FAM120A: variants seen among roughly 807,000 people sequenced by gnomAD.
The protein encoded by FAM120A is family with sequence similarity 120 member A.
A neutral mutation model predicts 109.7 loss-of-function variants in FAM120A; 15 were observed. That is an observed-to-expected ratio of 0.14 (90% CI 0.09 to 0.21). FAM120A has a LOEUF of 0.21. FAM120A is among the 10% of genes least tolerant of loss of function. The pLI, the probability that FAM120A is intolerant of heterozygous loss-of-function variation, is 1.00. For missense variants in FAM120A, 899 were observed against 1,439.3 expected (o/e 0.62, Z 6.07); for synonymous variants, 493 against 572.8 (o/e 0.86, Z 1.99).
intron 3 of FAM120A, among the ~76,000 whole-genome samples, chr9:93,493,986 A>T (rs932367919): frequency 6.6e-6 from 1 of 152,166 alleles, no homozygotes; most frequent in African/African-American, 2.4e-5. Flanking sequence ...TTCAATTCCT[A>T]GCGGTTGCAG....
At chr9:93,529,808 A>G in intron 9 of FAM120A, 1 of 600,000 alleles carries the variant, frequency 1.7e-6, no homozygotes, top group Non-Finnish European at 3.0e-6. Flanking sequence ...TCAACTTAGT[A>G]TAGAATATTT....
chr9:93,457,383 T>C (rs148823428), intron 1 of FAM120A, among the ~76,000 whole-genome samples: 13 of 151,714 alleles, frequency 8.6e-5, no homozygotes, highest in Admixed American at 8.5e-4. Context: ...TATATTATTA[T>C]AATATAGTTC....
chr9:93,468,385 G>A (rs1858149439), intron 1 of FAM120A, among the ~76,000 whole-genome samples: 1 of 152,222 alleles, frequency 6.6e-6, no homozygotes, highest in Admixed American at 6.5e-5. Flanking sequence ...CGTAAGCTGT[G>A]CCCCTTGTCC....
intron 17 of FAM120A, among the ~76,000 whole-genome samples, chr9:93,563,724 GA>G (rs1862546984): frequency 6.6e-6 from 1 of 152,228 alleles, no homozygotes; most frequent in Non-Finnish European, 1.5e-5. Flanking sequence ...GAGTGGGGAA[GA>G]CCCATTCAGA....
intron 3 of FAM120A, among the ~76,000 whole-genome samples, chr9:93,478,675 C>G (rs1375062984): frequency 6.6e-6 from 1 of 152,154 alleles, no homozygotes; most frequent in Non-Finnish European, 1.5e-5. Context: ...AGGGTTTCAC[C>G]ATGTTGTCCA....
intron 1 of FAM120A, among the ~76,000 whole-genome samples, chr9:93,458,498 C>G (rs1181322568): frequency 6.6e-6 from 1 of 152,082 alleles, no homozygotes; most frequent in Non-Finnish European, 1.5e-5. Flanking sequence ...AATTCTGGCT[C>G]AGTAGTCTCC....
At chr9:93,476,386 AGTTTGCTATTACTTTAATAACAT>A in intron 3 of FAM120A, 48 bp downstream of exon 3, 1 of 1,254,548 alleles carries the variant, frequency 8.0e-7, no homozygotes, top group Non-Finnish European at 1.2e-6. Flanking sequence ...ATCAACTGTG[AGTTTGCTATTACTTTAATAACAT>A]GTTAGGCCCT....
intron 3 of FAM120A, among the ~76,000 whole-genome samples, chr9:93,477,194 C>A (rs1012728042): frequency 2.0e-5 from 3 of 152,190 alleles, no homozygotes; most frequent in African/African-American, 7.2e-5. Context: ...ACCCTCCCTC[C>A]ATAAACAATT....
intron 2 of FAM120A, among the ~76,000 whole-genome samples, chr9:93,472,466 C>A (rs190355977): frequency 2.6e-5 from 4 of 152,244 alleles, no homozygotes; most frequent in African/African-American, 9.6e-5. Flanking sequence ...GAGGGAGGCA[C>A]TCCTGTGATT....
At chr9:93,506,374 G>A (rs1230997459) in intron 5 of FAM120A, among the ~76,000 whole-genome samples, 4 of 152,042 alleles carry the variant, frequency 2.6e-5, no homozygotes, top group Non-Finnish European at 4.4e-5. Flanking sequence ...TCTTTTCTTA[G>A]AGATATTGCT....
intron 10 of FAM120A, among the ~76,000 whole-genome samples, chr9:93,539,483 T>A (rs764140228): frequency 6.6e-6 from 1 of 152,240 alleles, no homozygotes; most frequent in Non-Finnish European, 1.5e-5. Flanking sequence ...TTAGATGAGC[T>A]GACCTCCAGG....
At chr9:93,466,147 A>G (rs929912083) in intron 1 of FAM120A, among the ~76,000 whole-genome samples, 8 of 152,058 alleles carry the variant, frequency 5.3e-5, no homozygotes, top group African/African-American at 1.9e-4. Context: ...ACATCCTCAT[A>G]CTTTGGAAGC....
At chr9:93,543,524 C>A in intron 11 of FAM120A, 53 bp downstream of exon 11, 3 of 1,582,978 alleles carry the variant, frequency 1.9e-6, no homozygotes, top group Non-Finnish European at 2.6e-6. Context: ...GTGTAGGGGC[C>A]ATGACCATGG....
At chr9:93,516,679 CCTT>C (rs1177712505) in intron 7 of FAM120A, among the ~76,000 whole-genome samples, 2 of 152,222 alleles carry the variant, frequency 1.3e-5, no homozygotes, top group South Asian at 4.2e-4. Context: ...AATTTCCTCT[CCTT>C]CTCCTAAACT....
At chr9:93,545,041 T>C (rs1234782908) in intron 11 of FAM120A, among the ~76,000 whole-genome samples, 20 of 152,240 alleles carry the variant, frequency 1.3e-4, no homozygotes, top group Admixed American at 1.3e-3. Flanking sequence ...TCTGTTTTGA[T>C]GTTCCCTTTG....
At chr9:93,504,575 C>T (rs188719386) in intron 5 of FAM120A, among the ~76,000 whole-genome samples, 92 of 152,296 alleles carry the variant, frequency 6.0e-4, no homozygotes, top group Non-Finnish European at 9.3e-4. Flanking sequence ...ATAGCATGTA[C>T]TCCTCTGACT....
rs573662508 is a variant in FAM120A at position 93,559,894 on chromosome 9, C to A, written c.2806+1176C>A. 3.3e-5 allele frequency among the ~76,000 whole-genome samples: 5 copies of A among 152,322 alleles called. No homozygotes were observed. In the East Asian group the frequency reaches 7.7e-4, roughly 23 times the overall value. On this transcript the variant is annotated intron_variant, in intron 15 of 17. Transcript: ENST00000277165. Reference sequence around the variant, plus strand: ...AGATTTGCACTGCCTAGTATAGTAGCTGCTGGCCACTGCTCTGTTGAGCAC... The same window carrying A: ...AGATTTGCACTGCCTAGTATAGTAGATGCTGGCCACTGCTCTGTTGAGCAC...
At chr9:93,484,201 G>A (rs1858938117) in intron 3 of FAM120A, among the ~76,000 whole-genome samples, 1 of 152,152 alleles carries the variant, frequency 6.6e-6, no homozygotes. Context: ...GACTACAGGT[G>A]TGCGCCACCA....
intron 10 of FAM120A, among the ~76,000 whole-genome samples, chr9:93,533,187 ATTTG>A (rs1289512834): frequency 6.6e-6 from 1 of 152,142 alleles, no homozygotes; most frequent in Non-Finnish European, 1.5e-5. Flanking sequence ...GTTACAGACT[ATTTG>A]TTTGTGTGGT....
Sources: allele counts gnomAD v4.1 joint callset (sites outside exome capture counted in the v4.1 genomes callset), GRCh38; gene constraint gnomAD v4.1.1; transcripts MANE v1.5; gene names NCBI Gene and HGNC (gene_info 2026-07-23, HGNC 2026-07-21).